The following CDK5 variants were observed in gnomAD, a reference collection of about 807,000 sequenced individuals.
The protein encoded by CDK5 is cyclin-dependent kinase 5.
Under a neutral mutation model 44.6 loss-of-function variants are expected in CDK5, and 18 were observed. The ratio of observed to expected loss-of-function variants is 0.40; its 90% CI spans 0.28 to 0.60. The LOEUF is 0.60. Ranked by LOEUF, CDK5 falls within the 20% of genes least tolerant of loss-of-function variation. CDK5 has a pLI of 0.38. For missense variants in CDK5, 198 were observed against 368.1 expected (o/e 0.54, Z 3.78); for synonymous variants, 143 against 152.8 (o/e 0.94, Z 0.47).
Position 151,055,563 on chromosome 7 carries a change from A to G in CDK5, c.452T>C (p.Phe151Ser), listed in dbSNP as rs781580336. Residue 151 changes from phenylalanine (F) to serine (S), a missense_variant, in exon 7 of 12, where the codon TTT becomes TCT. Phe to Ser is a radical substitution (Grantham distance 155). This residue lies in a region of CDK5 where 38 missense variants were observed against 115.0 expected (regional missense o/e 0.33). Coordinates refer to ENST00000485972, the MANE Select transcript of CDK5 (RefSeq NM_004935.4). ...TGAGTAACAGCGGACGGGAATCCCA[A>G]AGGCTCGAGCCAGGCCAAAATCAGC... ...KLADFGLARA[F>S]GIPVRCYSAE... 6.2e-7 allele frequency: 1 copy of G among 1,613,794 alleles called. No individual in the cohort carries two copies. Among genetic ancestry groups the G allele is most frequent in the African/African-American group, 1.3e-5 (1 of 75,034 alleles).
chr7:151,054,390 C>T lies in CDK5; in HGVS notation c.711+15G>A, dbSNP rs781288951. On this transcript the variant is annotated intron_variant, in intron 10 of 11. Coordinates refer to ENST00000485972, the MANE Select transcript of CDK5 (RefSeq NM_004935.4). This position sits in a 1 kb window ranked among gnomAD's most constrained non-coding sequence, Gnocchi z 5.7. ...TGACCCTGATGAACCATGACCCCCA[C>T]ATTCCCCATCACACCTTATAGTCTG... 1 of 1,613,292 alleles carries T rather than the reference C, an allele frequency of 6.2e-7. No individual in the cohort carries two copies. The highest frequency in any genetic ancestry group is 2.2e-5 in the East Asian group (1 of 44,862).
In CDK5 at chr7:151,057,448, T is replaced by A. The variant is rs917621627; in HGVS notation, c.38-288A>T. ...AGGGTCTGGAAATAGTGAGGAGGGGTCTGGGAGAGGACTGAGGGGCTGCAG... is the reference window on the plus strand; with the variant it reads ...AGGGTCTGGAAATAGTGAGGAGGGGACTGGGAGAGGACTGAGGGGCTGCAG... On this transcript the variant is annotated intron_variant, in intron 1 of 11. Coordinates refer to ENST00000485972, the MANE Select transcript of CDK5 (RefSeq NM_004935.4). The surrounding 1 kb of genome is among the most constrained non-coding windows in gnomAD (Gnocchi z 5.2). 1.7e-6 allele frequency: 1 copy of A among 587,396 alleles called. No individual in the cohort carries two copies. The highest frequency in any genetic ancestry group is 3.0e-5 in the Admixed American group (1 of 33,386). 36.4% of individuals were successfully genotyped at this position (587,396 alleles called of 1,614,324 possible). A position where few individuals can be genotyped will look rare whatever the true frequency, so the allele number is the denominator to read the frequency against.
At position 151,054,881 on chromosome 7, in the gene CDK5, A is replaced by G; in HGVS notation, c.650+146T>C. The stretch of plus-strand genomic sequence containing the variant: ...CACTGTGACAATCAGGGTGTCCAGC[A>G]CCCCTGCTCTCTCCCCTTGCCCTCA... On this transcript the variant is annotated intron_variant, in intron 9 of 11. Transcript: ENST00000485972. This position sits in a 1 kb window ranked among gnomAD's most constrained non-coding sequence, Gnocchi z 5.7. 1 of 764,078 alleles carries G rather than the reference A, an allele frequency of 1.3e-6. No individual in the cohort carries two copies. The highest frequency in any genetic ancestry group is 2.2e-6 in the Non-Finnish European group (1 of 451,072). The allele number at this position is 764,078 out of a possible 1,614,324, so 47.3% of individuals were successfully genotyped here.
Position 151,057,589 on chromosome 7 carries a change from C to A in CDK5, c.37+223G>T, listed in dbSNP as rs1057201040. 2 of 628,168 alleles carry A rather than the reference C, an allele frequency of 3.2e-6. No homozygotes were observed. The highest frequency in any genetic ancestry group is 2.7e-5 in the Admixed American group (1 of 36,666). 38.9% of individuals were successfully genotyped at this position (628,168 alleles called of 1,614,324 possible). ...TCAGGAAGTGTCGCGGTTGGGAGGT[C>A]GGGTCTACTGGGAACGCTAAGGTTG... On this transcript the variant is annotated intron_variant, in intron 1 of 11. Transcript: ENST00000485972. This position sits in a 1 kb window ranked among gnomAD's most constrained non-coding sequence, Gnocchi z 5.2.
Position 151,054,779 on chromosome 7 carries a change from G to C in CDK5, c.650+248C>G, listed in dbSNP as rs1000675589. On this transcript the variant is annotated intron_variant, in intron 9 of 11. Transcript: ENST00000485972. This position sits in a 1 kb window ranked among gnomAD's most constrained non-coding sequence, Gnocchi z 5.7. ...TCATCCTGGCATCCATCTCTCACCT[G>C]GAGGGACACCCTCTCGGCTTCACCC... is the stretch of plus-strand genomic sequence containing the variant. 6.6e-6 allele frequency among the ~76,000 whole-genome samples: 1 copy of C among 152,084 alleles called. No individual in the cohort carries two copies. The highest frequency in any genetic ancestry group is 2.4e-5 in the African/African-American group (1 of 41,386).
chr7:151,055,504 C>A (rs1451154976), intron 7 of CDK5, 28 bp downstream of exon 7: 2 of 1,606,300 alleles, frequency 1.2e-6, no homozygotes, highest in Non-Finnish European at 1.7e-6. Context: ...CTCCCTCCCC[C>A]AATCCCATAT....
rs753303705 is a variant in CDK5 at position 151,057,897 on chromosome 7, C to T, written c.-49G>A. 15 of 1,567,712 alleles carry T rather than the reference C, an allele frequency of 9.6e-6. No homozygotes were observed. Among genetic ancestry groups the T allele is most frequent in the African/African-American group, 2.7e-5 (2 of 73,718 alleles). ...CGGGCCCTCGGTTTTAAGACTCTGG[C>T]CCCGGCGTTGCAGAGGAGGCGGCAC... On this transcript the variant is annotated 5_prime_UTR_variant, in exon 1 of 12. Transcript: ENST00000485972. The surrounding 1 kb of genome is among the most constrained non-coding windows in gnomAD (Gnocchi z 5.2).
chr7:151,055,121 A>G (rs1350441343), intron 8 of CDK5, 25 bp from the exon 9 acceptor site: 1 of 1,602,778 alleles, frequency 6.2e-7, no homozygotes, highest in Non-Finnish European at 8.5e-7. Context: ...GGGGGCTAAG[A>G]TGTGACATGT....
chr7:151,054,333 G>C lies in CDK5; in HGVS notation c.712-41C>G, dbSNP rs1796852257. ...GAGGGTCAGACTAGAGGTAGGGGGAGGGGGATGGAGGCGCTAGGAATGTGA... is the reference window on the plus strand; with the variant it reads ...GAGGGTCAGACTAGAGGTAGGGGGACGGGGATGGAGGCGCTAGGAATGTGA... On this transcript the variant is annotated intron_variant, in intron 10 of 11. Coordinates refer to ENST00000485972, the MANE Select transcript of CDK5 (RefSeq NM_004935.4). This position sits in a 1 kb window ranked among gnomAD's most constrained non-coding sequence, Gnocchi z 5.7. The C allele has an allele frequency of 1.9e-6, 3 of 1,611,502 alleles. No homozygotes were observed. Among genetic ancestry groups the C allele is most frequent in the Admixed American group, 1.7e-5 (1 of 59,942 alleles).
In CDK5 at chr7:151,054,306, G is replaced by C. The variant is rs763322722; in HGVS notation, c.712-14C>G. The C allele has an allele frequency of 1.2e-6, 2 of 1,613,492 alleles. No homozygotes were observed. The highest frequency in any genetic ancestry group is 1.7e-6 in the Non-Finnish European group (2 of 1,179,686). On this transcript the variant is annotated splice_polypyrimidine_tract_variant and intron_variant, in intron 10 of 11. Transcript: ENST00000485972. This position sits in a 1 kb window ranked among gnomAD's most constrained non-coding sequence, Gnocchi z 5.7. Reference sequence around the variant, plus strand: ...CATCGGATAGGGCTGTGGAGAGGCAGGGAGGGTCAGACTAGAGGTAGGGGG... The same window carrying C: ...CATCGGATAGGGCTGTGGAGAGGCACGGAGGGTCAGACTAGAGGTAGGGGG...
rs1342684196 is a variant in CDK5, at chr7:151,054,201, T to C, written c.792+11A>G. On this transcript the variant is annotated intron_variant, in intron 11 of 11. Coordinates refer to ENST00000485972, the MANE Select transcript of CDK5 (RefSeq NM_004935.4). This position sits in a 1 kb window ranked among gnomAD's most constrained non-coding sequence, Gnocchi z 5.7. Reference sequence around the variant, plus strand: ...AGTGTCCTGACCCACCCTCTACCCCTGGTCACCTACCTGCAGCAGATCCCT... The same window carrying C: ...AGTGTCCTGACCCACCCTCTACCCCCGGTCACCTACCTGCAGCAGATCCCT... 3 of 1,610,176 alleles carry C rather than the reference T, an allele frequency of 1.9e-6. No individual in the cohort carries two copies. Among genetic ancestry groups the C allele is most frequent in the Non-Finnish European group, 2.5e-6 (3 of 1,178,196 alleles).
chr7:151,056,193 T>G lies in CDK5; in HGVS notation c.313-345A>C. 2.0e-6 allele frequency: 1 copy of G among 506,536 alleles called. No individual in the cohort carries two copies. Among genetic ancestry groups the G allele is most frequent in the East Asian group, 3.3e-5 (1 of 30,574 alleles). The allele number at this position is 506,536 out of a possible 1,614,324, so 31.4% of individuals were successfully genotyped here. A position where few individuals can be genotyped will look rare whatever the true frequency, so the allele number is the denominator to read the frequency against. ...CACGCCGTGAACATCAACATAAATATCGTGCTGTAGTATCATTCAGGACTG... is the reference window on the plus strand; with the variant it reads ...CACGCCGTGAACATCAACATAAATAGCGTGCTGTAGTATCATTCAGGACTG... On this transcript the variant is annotated intron_variant, in intron 5 of 11. Transcript: ENST00000485972. The surrounding 1 kb of genome is among the most constrained non-coding windows in gnomAD (Gnocchi z 4.7).
rs1419305729 is a variant in CDK5 at position 151,054,844 on chromosome 7, A to T, written c.650+183T>A. ...CCTGTCTCCAAGCCACACCTTCTCC[A>T]GTGTGCATTTGCACTGTGACAATCA... On this transcript the variant is annotated intron_variant, in intron 9 of 11. Coordinates refer to ENST00000485972, the MANE Select transcript of CDK5 (RefSeq NM_004935.4). This position sits in a 1 kb window ranked among gnomAD's most constrained non-coding sequence, Gnocchi z 5.7. 2.0e-5 allele frequency among the ~76,000 whole-genome samples: 3 copies of T among 152,054 alleles called. No individual in the cohort carries two copies. Among genetic ancestry groups the T allele is most frequent in the Non-Finnish European group, 4.4e-5 (3 of 68,000 alleles).
Position 151,054,266 on chromosome 7 carries a change from T to A in CDK5, c.738A>T (p.Thr246=), listed in dbSNP as rs1460996933. 1 of 1,613,590 alleles carries A rather than the reference T, an allele frequency of 6.2e-7. No homozygotes were observed. Among genetic ancestry groups the A allele is most frequent in the South Asian group, 1.1e-5 (1 of 91,042 alleles). ...YKPYPMYPAT[T]SLVNVVPKLN... ...GTTTGGGCACGACGTTCACCAGGGA[T>A]GTTGTGGCCGGGTACATCGGATAGG... is the stretch of plus-strand genomic sequence containing the variant. The change falls in exon 11 of 12, where the codon ACA becomes ACT. Residue 246 remains threonine, a synonymous_variant. Coordinates refer to ENST00000485972, the MANE Select transcript of CDK5 (RefSeq NM_004935.4). The surrounding 1 kb of genome is among the most constrained non-coding windows in gnomAD (Gnocchi z 5.7).
intron 5 of CDK5, 142 bp from the exon 6 acceptor site, chr7:151,055,990 C>G: frequency 1.5e-6 from 1 of 655,396 alleles, no homozygotes; most frequent in Non-Finnish European, 2.8e-6. Flanking sequence ...ACCATTCATT[C>G]GCCATCCAGG....
Position 151,057,712 on chromosome 7 carries a change from G to A in CDK5, c.37+100C>T. ...AGGGCTGCAGCCGCTGCTGAGATCG[G>A]AGCCTGTAGGCATTGCTGACGGTAA... On this transcript the variant is annotated intron_variant, in intron 1 of 11. Transcript: ENST00000485972. The surrounding 1 kb of genome is among the most constrained non-coding windows in gnomAD (Gnocchi z 5.2). The A allele has an allele frequency of 7.7e-7, 1 of 1,299,924 alleles. No homozygotes were observed. Among genetic ancestry groups the A allele is most frequent in the Non-Finnish European group, 1.1e-6 (1 of 917,618 alleles). 80.5% of individuals were successfully genotyped at this position (1,299,924 alleles called of 1,614,324 possible).
In CDK5 at chr7:151,055,109, C is replaced by A; in HGVS notation, c.581-13G>T. ...GCATTGGCCAGCTCTGGGGGATAGACAGGGGGCTAAGATGTGACATGTGAA... is the reference window on the plus strand; with the variant it reads ...GCATTGGCCAGCTCTGGGGGATAGAAAGGGGGCTAAGATGTGACATGTGAA... On this transcript the variant is annotated splice_polypyrimidine_tract_variant and intron_variant, in intron 8 of 11. Coordinates refer to ENST00000485972, the MANE Select transcript of CDK5 (RefSeq NM_004935.4). The A allele has an allele frequency of 6.2e-7, 1 of 1,608,598 alleles. No homozygotes were observed. The highest frequency in any genetic ancestry group is 1.1e-5 in the South Asian group (1 of 90,000).
Position 151,056,039 on chromosome 7 carries a change from G to A in CDK5, c.313-191C>T. On this transcript the variant is annotated intron_variant, in intron 5 of 11. Transcript: ENST00000485972. This position sits in a 1 kb window ranked among gnomAD's most constrained non-coding sequence, Gnocchi z 4.7. Reference sequence around the variant, plus strand: ...TGTGCTAGGCATTAGAGGGACCAAAGTAAAGAAGCTGGCTCTGGTCCCCAC... The same window carrying A: ...TGTGCTAGGCATTAGAGGGACCAAAATAAAGAAGCTGGCTCTGGTCCCCAC... The A allele has an allele frequency of 1.7e-6, 1 of 589,144 alleles. No individual in the cohort carries two copies. Among genetic ancestry groups the A allele is most frequent in the Non-Finnish European group, 3.0e-6 (1 of 329,664 alleles). 36.5% of individuals were successfully genotyped at this position (589,144 alleles called of 1,614,324 possible). A position where few individuals can be genotyped will look rare whatever the true frequency, so the allele number is the denominator to read the frequency against.
At chr7:151,055,191 T>C (rs1410453391) in intron 8 of CDK5, 86 bp downstream of exon 8, 1 of 1,561,722 alleles carries the variant, frequency 6.4e-7, no homozygotes, top group Non-Finnish European at 8.8e-7. Context: ...AGGGCCTCCC[T>C]CCCTTCCCCC....
Sources: gnomAD v4.1 joint callset for allele counts (sites outside exome capture counted in the v4.1 genomes callset) on GRCh38, gnomAD v4.1.1 for gene constraint, gnomAD v4.1.1 regional missense constraint, Gnocchi (gnomAD v3.1) non-coding constraint, MANE v1.5 for transcripts, NCBI Gene and HGNC (gene_info 2026-07-23, HGNC 2026-07-21) for gene names.